SYNJ2: variants seen among roughly 807,000 people sequenced by gnomAD.
SYNJ2 encodes the protein synaptojanin 2.
In SYNJ2, 116 loss-of-function variants were observed where a neutral mutation model predicts 141.3. That is an observed-to-expected ratio of 0.82 (90% CI 0.71 to 0.96). SYNJ2 has a LOEUF of 0.96. Ranked by LOEUF, SYNJ2 falls within the 40% of genes least tolerant of loss-of-function variation. SYNJ2 has a pLI of 0.00. For missense variants in SYNJ2, 1,873 were observed against 1,934.8 expected (o/e 0.97, Z 0.60); for synonymous variants, 745 against 777.7 (o/e 0.96, Z 0.70).
intron 1 of SYNJ2, among the ~76,000 whole-genome samples, chr6:158,013,621 T>A (rs1778347063): frequency 6.6e-6 from 1 of 152,150 alleles, no homozygotes; most frequent in African/African-American, 2.4e-5. Context: ...TATTTGTAAA[T>A]TCATCTGCTC....
At chr6:157,997,741 T>G (rs34883130) in intron 1 of SYNJ2, among the ~76,000 whole-genome samples, 2,833 of 146,992 alleles carry the variant, frequency 0.019, 49 homozygotes, top group South Asian at 0.048. Context: ...TGGCAAACAC[T>G]GTTGAATGAC....
At chr6:158,091,970 T>C (rs1230472434) in intron 25 of SYNJ2, among the ~76,000 whole-genome samples, 1 of 152,098 alleles carries the variant, frequency 6.6e-6, no homozygotes, top group Non-Finnish European at 1.5e-5. Flanking sequence ...GCTGTGGGGC[T>C]TCTTTTTTGT....
chr6:158,053,203 G>A (rs754460624), intron 5 of SYNJ2, among the ~76,000 whole-genome samples: 1 of 152,174 alleles, frequency 6.6e-6, no homozygotes, highest in Non-Finnish European at 1.5e-5. Flanking sequence ...GGCACACGGT[G>A]TCCATCTGCC....
At chr6:158,068,955 G>T (rs1038508683) in intron 13 of SYNJ2, among the ~76,000 whole-genome samples, 5 of 152,326 alleles carry the variant, frequency 3.3e-5, no homozygotes, top group Admixed American at 3.3e-4. Context: ...GATGATTGCT[G>T]TGTTTTCTTT....
chr6:158,081,228 T>G lies in SYNJ2; in HGVS notation c.2687T>G (p.Leu896Arg), dbSNP rs1374624397. ...CTGGATGCCACTGTTGTAGTAAACCTTCAATCACCGACCTTAGAAGAGAAA... is the reference window on the plus strand; with the variant it reads ...CTGGATGCCACTGTTGTAGTAAACCGTCAATCACCGACCTTAGAAGAGAAA... The part of the protein sequence containing the change: ...GPLDATVVVN[L>R]QSPTLEEKNE... The change falls in exon 19 of 27, where the codon CTT (leucine) becomes CGT (arginine). Residue 896 changes from leucine to arginine, a missense_variant. Physicochemically the swap from Leu to Arg is moderately radical, Grantham distance 102. Transcript: ENST00000355585. 2 of 1,614,030 alleles carry G rather than the reference T, an allele frequency of 1.2e-6. No homozygotes were observed. Among genetic ancestry groups the G allele is most frequent in the African/African-American group, 2.7e-5 (2 of 74,906 alleles).
intron 4 of SYNJ2, among the ~76,000 whole-genome samples, chr6:158,042,803 G>A (rs1780020209): frequency 6.6e-6 from 1 of 152,240 alleles, no homozygotes; most frequent in Non-Finnish European, 1.5e-5. Context: ...ACAAGATCAG[G>A]TTGAGTCTTG....
At chr6:157,989,902 C>T (rs1777351288) in intron 1 of SYNJ2, among the ~76,000 whole-genome samples, 1 of 143,022 alleles carries the variant, frequency 7.0e-6, no homozygotes, top group South Asian at 2.5e-4. Flanking sequence ...ACCCTGTGGG[C>T]TTTTCTGGGG....
intron 1 of SYNJ2, among the ~76,000 whole-genome samples, chr6:157,988,113 G>GCCCC (rs1255212200): frequency 1.3e-5 from 2 of 152,242 alleles, no homozygotes; most frequent in African/African-American, 4.8e-5. Context: ...AGCCTGCTCA[G>GCCCC]CCCCCTCCCA....
Position 158,071,854 on chromosome 6 carries a change from T to A in SYNJ2, c.2133+60T>A, listed in dbSNP as rs1277471814. On this transcript the variant is annotated intron_variant, in intron 15 of 26. Transcript: ENST00000355585. The surrounding 1 kb of genome is among the most constrained non-coding windows in gnomAD (Gnocchi z 4.3). ...TGCTCAGCTCAGTCCCAAATGTGAC[T>A]GTTGATAGGAGCCAGGCACTGGGGA... 15 of 1,561,144 alleles carry A rather than the reference T, an allele frequency of 9.6e-6. No individual in the cohort carries two copies. Among genetic ancestry groups the A allele is most frequent in the Non-Finnish European group, 1.3e-5 (15 of 1,153,830 alleles).
intron 1 of SYNJ2, among the ~76,000 whole-genome samples, chr6:158,005,878 T>C (rs1778051023): frequency 6.6e-6 from 1 of 152,148 alleles, no homozygotes; most frequent in Non-Finnish European, 1.5e-5. Context: ...CCGCCCACCA[T>C]GTCTGTCCCC....
At chr6:157,983,007 A>C (rs528208477) in intron 1 of SYNJ2, among the ~76,000 whole-genome samples, 2 of 152,304 alleles carry the variant, frequency 1.3e-5, no homozygotes, top group Admixed American at 1.3e-4. Flanking sequence ...TGGACACCCG[A>C]GAGTAAGCTC....
At position 158,096,917 on chromosome 6, in the gene SYNJ2, A is replaced by G. The variant is rs932225571; in HGVS notation, c.*553A>G. The stretch of plus-strand genomic sequence containing the variant: ...GGTCAACCTAATGACTAGACTGTAC[A>G]TTCCCATGAGCCTTCATGTTTAAGT... On this transcript the variant is annotated 3_prime_UTR_variant, in exon 27 of 27. Transcript: ENST00000355585. 1 of 153,870 alleles carries G rather than the reference A, an allele frequency of 6.5e-6. No individual in the cohort carries two copies. Among genetic ancestry groups the G allele is most frequent in the Admixed American group, 6.5e-5 (1 of 15,378 alleles). 9.5% of individuals were successfully genotyped at this position (153,870 alleles called of 1,614,324 possible).
At chr6:158,030,663 AG>A (rs1779313947) in intron 3 of SYNJ2, 1 of 152,340 alleles carries the variant, frequency 6.6e-6, no homozygotes, top group African/African-American at 2.4e-5. Context: ...AGGCCAAGGC[AG>A]GCGGATCACC....
chr6:158,058,756 G>A (rs932604089), intron 6 of SYNJ2, among the ~76,000 whole-genome samples: 19 of 152,176 alleles, frequency 1.2e-4, no homozygotes, highest in African/African-American at 4.3e-4. Context: ...GCAAGACCCT[G>A]TCTCTATGAA....
chr6:158,033,406 A>T lies in SYNJ2; in HGVS notation c.486-49A>T, dbSNP rs764235834. 4 of 1,592,196 alleles carry T rather than the reference A, an allele frequency of 2.5e-6. No individual in the cohort carries two copies. In the South Asian group the frequency reaches 4.5e-5, roughly 18 times the overall value. On this transcript the variant is annotated intron_variant, in intron 3 of 26. Coordinates refer to ENST00000355585, the MANE Select transcript of SYNJ2 (RefSeq NM_003898.4). ...CACACTCGCTGTCCAGGCAGCATGT[A>T]TTGGAGGATGTCAAGTGACTGGAAT...
At chr6:158,046,897 CA>C (rs919188796) in intron 5 of SYNJ2, among the ~76,000 whole-genome samples, 27 of 148,826 alleles carry the variant, frequency 1.8e-4, no homozygotes, top group Admixed American at 6.6e-4. Context: ...AGCTTCCCCC[CA>C]CCATATGCTG....
At chr6:157,986,019 C>T (rs918380179) in intron 1 of SYNJ2, among the ~76,000 whole-genome samples, 21 of 152,230 alleles carry the variant, frequency 1.4e-4, no homozygotes, top group African/African-American at 4.1e-4. Flanking sequence ...GAGCAGGACT[C>T]AGTCTGAACT....
chr6:158,005,146 C>T (rs559352198), intron 1 of SYNJ2, among the ~76,000 whole-genome samples: 12 of 150,292 alleles, frequency 8.0e-5, no homozygotes, highest in Non-Finnish European at 1.5e-4. Flanking sequence ...GGCGCGATCT[C>T]GGCTCACTGC....
In SYNJ2 at chr6:158,033,627, A is replaced by G. The variant is rs1485143538; in HGVS notation, c.658A>G (p.Thr220Ala). ...TGAGCGCACAGGCACTCGCTTCCACACCCGTGGCGTGAACGACGACGGCCA... is the reference window on the plus strand; with the variant it reads ...TGAGCGCACAGGCACTCGCTTCCACGCCCGTGGCGTGAACGACGACGGCCA... ...SCERTGTRFHTRGVNDDGHVS... is the reference protein window; with the variant it reads ...SCERTGTRFHARGVNDDGHVS... Residue 220 changes from threonine (T) to alanine (A), a missense_variant, in exon 4 of 27, where the codon ACC (threonine) becomes GCC (alanine). Physicochemically the swap from Thr to Ala is moderately conservative, Grantham distance 58 (BLOSUM62 0). Transcript: ENST00000355585. The G allele has an allele frequency of 1.5e-5, 24 of 1,613,262 alleles. No individual in the cohort carries two copies. The highest frequency in any genetic ancestry group is 2.0e-5 in the Non-Finnish European group (24 of 1,179,942).
Sources: gnomAD v4.1 joint callset for allele counts (sites outside exome capture counted in the v4.1 genomes callset) on GRCh38, gnomAD v4.1.1 for gene constraint, Gnocchi (gnomAD v3.1) non-coding constraint, MANE v1.5 for transcripts, NCBI Gene and HGNC (gene_info 2026-07-23, HGNC 2026-07-21) for gene names.